PLEKHH3: variants seen among roughly 807,000 people sequenced by gnomAD.
PLEKHH3 encodes the protein pleckstrin homology domain-containing family H member 3.
PLEKHH3 carries 57 observed loss-of-function variants against 77.8 expected under a neutral mutation model. That is an observed-to-expected ratio of 0.73 (90% CI 0.59 to 0.91). The LOEUF is 0.91. PLEKHH3 is among the 40% of genes least tolerant of loss of function. The probability of loss-of-function intolerance (pLI) is 0.00; values close to 1 mark genes in which losing one functional copy is unlikely to be tolerated. For synonymous variants in PLEKHH3, 467 were observed against 504.8 expected (o/e 0.93, Z 1.00); for missense variants, 1,082 against 1,091.2 (o/e 0.99, Z 0.12).
At position 42,676,309 on chromosome 17, in the gene PLEKHH3, G is replaced by A; in HGVS notation, c.162+93C>T. On this transcript the variant is annotated intron_variant, in intron 1 of 12. Coordinates refer to ENST00000591022, the MANE Select transcript of PLEKHH3 (RefSeq NM_024927.5). The surrounding 1 kb of genome is among the most constrained non-coding windows in gnomAD (Gnocchi z 6.6). ...CTCCCTCATCCCTAGTTCGCCAAGC[G>A]CGCAGCGTGTGGCTGGAGGCTGGAG... The A allele has an allele frequency of 6.4e-7, 1 of 1,562,570 alleles. No individual in the cohort carries two copies. Among genetic ancestry groups the A allele is most frequent in the Non-Finnish European group, 8.7e-7 (1 of 1,154,214 alleles).
chr17:42,672,095 T>G lies in PLEKHH3; in HGVS notation c.1067A>C (p.His356Pro). 1 of 1,480,836 alleles carries G rather than the reference T, an allele frequency of 6.8e-7. No homozygotes were observed. Among genetic ancestry groups the G allele is most frequent in the Non-Finnish European group, 9.0e-7 (1 of 1,109,528 alleles). The allele number at this position is 1,480,836 out of a possible 1,614,324, so 91.7% of individuals were successfully genotyped here. A position where few individuals can be genotyped will look rare whatever the true frequency, so the allele number is the denominator to read the frequency against. ...GGAVRGHLLG[H>P]LERTEQALPD... ...ACCTCGCCCCTCTCACCTCTCCAAG[T>G]GCCCCAGGAGGTGCCCCCGCACAGC... Residue 356 changes from histidine to proline, a missense_variant, in exon 7 of 13, where the codon CAC becomes CCC. Coordinates refer to ENST00000591022, the MANE Select transcript of PLEKHH3 (RefSeq NM_024927.5).
Position 42,670,186 on chromosome 17 carries a change from G to C in PLEKHH3, c.1745C>G (p.Pro582Arg). 8.3e-7 allele frequency: 1 copy of C among 1,211,558 alleles called. No homozygotes were observed. The highest frequency in any genetic ancestry group is 1.0e-6 in the Non-Finnish European group (1 of 977,056). The allele number at this position is 1,211,558 out of a possible 1,614,324, so 75.1% of individuals were successfully genotyped here. Residue 582 changes from proline to arginine, a missense_variant, in exon 11 of 13, where the codon CCT (proline) becomes CGT (arginine). Transcript: ENST00000591022. Reference protein sequence around the residue: ...DPPRPTPRPPPSAALLAGALW... With the variant: ...DPPRPTPRPPRSAALLAGALW... ...CGCCCCGGCCAGCAGGGCAGCGGAAGGGGGCGGCCTGGGGGTCGGGCGGGG... is the reference window on the plus strand; with the variant it reads ...CGCCCCGGCCAGCAGGGCAGCGGAACGGGGCGGCCTGGGGGTCGGGCGGGG...
At chr17:42,675,263 C>T (rs2052797518) in intron 1 of PLEKHH3, among the ~76,000 whole-genome samples, 1 of 152,030 alleles carries the variant, frequency 6.6e-6, no homozygotes, top group South Asian at 2.1e-4. Flanking sequence ...GGGGAGGGGG[C>T]CAGGGACACC....
intron 1 of PLEKHH3, among the ~76,000 whole-genome samples, chr17:42,675,732 C>A (rs906422101): frequency 6.6e-6 from 1 of 152,200 alleles, no homozygotes; most frequent in Non-Finnish European, 1.5e-5. Flanking sequence ...GTCTCCCACA[C>A]CAATCGTGCC....
At position 42,668,521 on chromosome 17, in the gene PLEKHH3, G is replaced by A. The variant is rs550314129; in HGVS notation, c.2206-218C>T. 31 of 343,906 alleles carry A rather than the reference G, an allele frequency of 9.0e-5. No homozygotes were observed. In the East Asian group the frequency reaches 1.1e-3, roughly 13 times the overall value. 21.3% of individuals were successfully genotyped at this position (343,906 alleles called of 1,614,324 possible). ...CCCCCAGGTTGGAGTGCAGTGGCGC[G>A]ATCTCAGCTCACTGCAAGCTCCGCC... On this transcript the variant is annotated intron_variant, in intron 12 of 12. Coordinates refer to ENST00000591022, the MANE Select transcript of PLEKHH3 (RefSeq NM_024927.5).
intron 12 of PLEKHH3, chr17:42,668,518 C>T (rs896104248): frequency 5.7e-6 from 2 of 352,920 alleles, no homozygotes; most frequent in Non-Finnish European, 1.0e-5. Flanking sequence ...AGTGCAGTGG[C>T]GCGATCTCAG....
intron 1 of PLEKHH3, chr17:42,675,968 TC>T (rs2052815844): frequency 9.6e-7 from 1 of 1,041,028 alleles, no homozygotes; most frequent in Middle Eastern, 4.6e-4. Context: ...CGTCCAGGTC[TC>T]CGCAGCGGGA....
chr17:42,673,696 A>T lies in PLEKHH3; in HGVS notation c.437T>A (p.Val146Glu). The T allele has an allele frequency of 6.2e-7, 1 of 1,602,034 alleles. No individual in the cohort carries two copies. The highest frequency in any genetic ancestry group is 8.5e-7 in the Non-Finnish European group (1 of 1,179,884). ...GKGARRLGSL[V>E]LTSLCSVTGP... Reference sequence around the variant, plus strand: ...GGTCACCGAGCACAGGCTGGTGAGCACGAGGCTCCCGAGACGCCGCGCCCC... The same window carrying T: ...GGTCACCGAGCACAGGCTGGTGAGCTCGAGGCTCCCGAGACGCCGCGCCCC... The change falls in exon 4 of 13, where the codon GTG (valine) becomes GAG (glutamate). Residue 146 changes from valine to glutamate, a missense_variant. This residue lies in a region of PLEKHH3 where 344 missense variants were observed against 320.8 expected (regional missense o/e 1.07). Coordinates refer to ENST00000591022, the MANE Select transcript of PLEKHH3 (RefSeq NM_024927.5).
chr17:42,671,433 C>T lies in PLEKHH3; in HGVS notation c.1202G>A (p.Arg401Gln), dbSNP rs745408934. 6.2e-7 allele frequency: 1 copy of T among 1,613,050 alleles called. No individual in the cohort carries two copies. The highest frequency in any genetic ancestry group is 1.3e-5 in the African/African-American group (1 of 74,916). The change falls in exon 8 of 13, where the codon CGG becomes CAG. Residue 401 changes from arginine to glutamine, a missense_variant. This residue lies in a region of PLEKHH3 where 733 missense variants were observed against 750.0 expected (regional missense o/e 0.98). Coordinates refer to ENST00000591022, the MANE Select transcript of PLEKHH3 (RefSeq NM_024927.5). This position sits in a 1 kb window ranked among gnomAD's most constrained non-coding sequence, Gnocchi z 4.7. ...GTGCACGGTACACAGCAGCTCCTGC[C>T]GTTGGCTCAACGCGGAAATCTCCGC... Reference protein sequence around the residue: ...SLAEISALSQRQELLCTVHCP... With the variant: ...SLAEISALSQQQELLCTVHCP...
At position 42,673,491 on chromosome 17, in the gene PLEKHH3, C is replaced by G. The variant is rs1567960953; in HGVS notation, c.556G>C (p.Glu186Gln). The change falls in exon 5 of 13, where the codon GAG becomes CAG. Residue 186 changes from glutamate to glutamine, a missense_variant. By Grantham distance (29) the Glu-to-Gln change is conservative. Coordinates refer to ENST00000591022, the MANE Select transcript of PLEKHH3 (RefSeq NM_024927.5). ...AATGCCACCCCCCAGCGCTCAGCCT[C>G]TGCCTGGCGTGGGGAGCAGAGGCGG... ...SVRLCSPRQA[E>Q]AERWGVALRE... 1 of 1,610,348 alleles carries G rather than the reference C, an allele frequency of 6.2e-7. No homozygotes were observed. Among genetic ancestry groups the G allele is most frequent in the Admixed American group, 1.7e-5 (1 of 59,576 alleles).
rs1346518054 is a variant in PLEKHH3, at chr17:42,672,340, C to T, written c.822G>A (p.Leu274=). ...REEAVRLFLA[L]QALEGARRPG... ...GGCGCCGCGCCCCCTCCAGCGCCTG[C>T]AGCGCCAAGAACAGCCGCACCGCCT... The change falls in exon 7 of 13, where the codon CTG becomes CTA. Residue 274 remains leucine (L), a synonymous_variant. Coordinates refer to ENST00000591022, the MANE Select transcript of PLEKHH3 (RefSeq NM_024927.5). The T allele has an allele frequency of 1.9e-6, 3 of 1,545,822 alleles. No individual in the cohort carries two copies. The highest frequency in any genetic ancestry group is 2.6e-6 in the Non-Finnish European group (3 of 1,146,068).
At position 42,676,256 on chromosome 17, in the gene PLEKHH3, G is replaced by A; in HGVS notation, c.162+146C>T. 7.0e-7 allele frequency: 1 copy of A among 1,425,268 alleles called. No homozygotes were observed. 88.3% of individuals were successfully genotyped at this position (1,425,268 alleles called of 1,614,324 possible). A position where few individuals can be genotyped will look rare whatever the true frequency, so the allele number is the denominator to read the frequency against. The stretch of plus-strand genomic sequence containing the variant: ...TAGGGCTGCTGCTCCGAGAGCTCCC[G>A]GGGGCTTTGGCCCCCAGGCAAAAAA... On this transcript the variant is annotated intron_variant, in intron 1 of 12. Transcript: ENST00000591022. The surrounding 1 kb of genome is among the most constrained non-coding windows in gnomAD (Gnocchi z 6.6).
Position 42,672,372 on chromosome 17 carries a change from G to C in PLEKHH3, c.790C>G (p.Arg264Gly). 6.5e-7 allele frequency: 1 copy of C among 1,533,870 alleles called. No homozygotes were observed. Among genetic ancestry groups the C allele is most frequent in the East Asian group, 2.5e-5 (1 of 40,808 alleles). The part of the protein sequence containing the change: ...SAPGPGYAPL[R>G]EEAVRLFLAL... ...AAGAACAGCCGCACCGCCTCCTCGC[G>C]CAGGGGTGCATAGCCCGGACCTGTG... The change falls in exon 7 of 13, where the codon CGC (arginine) becomes GGC (glycine). Residue 264 changes from arginine (R) to glycine (G), a missense_variant. Arg to Gly is a moderately radical substitution (Grantham distance 125, BLOSUM62 -2). This residue lies in a region of PLEKHH3 where 733 missense variants were observed against 750.0 expected (regional missense o/e 0.98). Coordinates refer to ENST00000591022, the MANE Select transcript of PLEKHH3 (RefSeq NM_024927.5).
chr17:42,673,949 C>T lies in PLEKHH3; in HGVS notation c.283G>A (p.Asp95Asn), dbSNP rs1193982511. ...GGGTCTCTACCTTTCACAACGATGTCCGGGTCGTCCTCCGGCAGCCCTTTC... is the reference window on the plus strand; with the variant it reads ...GGGTCTCTACCTTTCACAACGATGTTCGGGTCGTCCTCCGGCAGCCCTTTC... ...PEKGLPEDDP[D>N]IVVKGWLYRE... Residue 95 changes from aspartate to asparagine, a missense_variant, in exon 3 of 13, where the codon GAC (aspartate) becomes AAC (asparagine). This residue lies in a region of PLEKHH3 where 344 missense variants were observed against 320.8 expected (regional missense o/e 1.07). Transcript: ENST00000591022. The T allele has an allele frequency of 6.2e-7, 1 of 1,613,418 alleles. No individual in the cohort carries two copies. Among genetic ancestry groups the T allele is most frequent in the African/African-American group, 1.3e-5 (1 of 74,902 alleles).
At chr17:42,670,743 CG>C in intron 9 of PLEKHH3, 38 bp from the exon 10 acceptor site, 1 of 1,586,462 alleles carries the variant, frequency 6.3e-7, no homozygotes, top group Non-Finnish European at 8.6e-7. Flanking sequence ...AGGGAGAAGC[CG>C]GACCCCTACG....
At position 42,673,960 on chromosome 17, in the gene PLEKHH3, T is replaced by A; in HGVS notation, c.272A>T (p.Glu91Val). Reference protein sequence around the residue: ...WSLIPEKGLPEDDPDIVVKGW... With the variant: ...WSLIPEKGLPVDDPDIVVKGW... ...TTTCACAACGATGTCCGGGTCGTCC[T>A]CCGGCAGCCCTTTCTCCGGGATGAG... Residue 91 changes from glutamate to valine, a missense_variant, in exon 3 of 13, where the codon GAG (glutamate) becomes GTG (valine). By Grantham distance (121) the Glu-to-Val change is moderately radical (BLOSUM62 -2). Around this residue, in one of 3 missense-constraint regions of PLEKHH3, gnomAD observed 344 missense variants for 320.8 expected, o/e 1.07. Transcript: ENST00000591022. 2 of 1,613,522 alleles carry A rather than the reference T, an allele frequency of 1.2e-6. No individual in the cohort carries two copies. Among genetic ancestry groups the A allele is most frequent in the Non-Finnish European group, 1.7e-6 (2 of 1,179,924 alleles).
intron 6 of PLEKHH3, 62 bp downstream of exon 6, chr17:42,673,114 C>G: frequency 6.9e-7 from 1 of 1,455,228 alleles, no homozygotes; most frequent in Non-Finnish European, 9.0e-7. Context: ...TTAAGGGATT[C>G]AGATTCTTAC....
chr17:42,676,038 G>C lies in PLEKHH3; in HGVS notation c.162+364C>G, dbSNP rs1414626156. 2 of 1,113,706 alleles carry C rather than the reference G, an allele frequency of 1.8e-6. No individual in the cohort carries two copies. Among genetic ancestry groups the C allele is most frequent in the Non-Finnish European group, 2.2e-6 (2 of 911,220 alleles). 69.0% of individuals were successfully genotyped at this position (1,113,706 alleles called of 1,614,324 possible). ...GGAGCGGAGGGGGACCCAGGCGTTC[G>C]AGCCGCCCAGCCGGCCTCGCCACAT... On this transcript the variant is annotated intron_variant, in intron 1 of 12. Transcript: ENST00000591022. The surrounding 1 kb of genome is among the most constrained non-coding windows in gnomAD (Gnocchi z 6.6).
Position 42,669,945 on chromosome 17 carries a change from A to G in PLEKHH3, c.1986T>C (p.Ala662=). 1.2e-6 allele frequency: 2 copies of G among 1,613,374 alleles called. No homozygotes were observed. Among genetic ancestry groups the G allele is most frequent in the South Asian group, 2.2e-5 (2 of 91,070 alleles). ...LAAQCPGFGA[A]RYDVLELSTE... The stretch of plus-strand genomic sequence containing the variant: ...TGCTCAGCTCCAGAACGTCATACCG[A>G]GCAGCGCCGAACCCCGGACACTGCG... Residue 662 remains alanine (A), a synonymous_variant, in exon 11 of 13, where the codon GCT becomes GCC. Transcript: ENST00000591022.
Sources: allele counts gnomAD v4.1 joint callset (sites outside exome capture counted in the v4.1 genomes callset), GRCh38; gene constraint gnomAD v4.1.1; regional missense constraint gnomAD v4.1.1; non-coding constraint Gnocchi (gnomAD v3.1); transcripts MANE v1.5; gene names NCBI Gene and HGNC (gene_info 2026-07-23, HGNC 2026-07-21).